Variants in CFDP1 observed in about 807,000 individuals in gnomAD.
CFDP1 encodes heterochromatin-stabilizing protein CFDP1.
Under a neutral mutation model 40.1 loss-of-function variants are expected in CFDP1, and 31 were observed. The observed-to-expected ratio is 0.77, with a 90% confidence interval of 0.58 to 1.04. The LOEUF (loss-of-function observed/expected upper bound fraction) is 1.04, where lower values mean the gene tolerates loss of function less well. CFDP1 is among the 50% of genes least tolerant of loss of function. The pLI, the probability that CFDP1 is intolerant of heterozygous loss-of-function variation, is 0.00. For synonymous variants in CFDP1, 167 were observed against 120.0 expected (o/e 1.39, Z -2.56); for missense variants, 423 against 343.4 (o/e 1.23, Z -1.83).
At chr16:75,329,931 A>T (rs1322707365) in intron 5 of CFDP1, among the ~76,000 whole-genome samples, 1 of 152,184 alleles carries the variant, frequency 6.6e-6, no homozygotes, top group Admixed American at 6.5e-5. Flanking sequence ...AATACCAAGA[A>T]TGAATTCCTC....
At chr16:75,424,051 A>G (rs184844263) in intron 1 of CFDP1, among the ~76,000 whole-genome samples, 1 of 152,280 alleles carries the variant, frequency 6.6e-6, no homozygotes, top group African/African-American at 2.4e-5. Flanking sequence ...CACCATATTA[A>G]CAGACAAAAA....
In CFDP1 at chr16:75,412,436, T is replaced by G. The variant is rs1216109678; in HGVS notation, c.402+99A>C. 5 of 890,722 alleles carry G rather than the reference T, an allele frequency of 5.6e-6. No individual in the cohort carries two copies. In the East Asian group the frequency reaches 1.2e-4, roughly 21 times the overall value. The allele number at this position is 890,722 out of a possible 1,614,324, so 55.2% of individuals were successfully genotyped here. A position where few individuals can be genotyped will look rare whatever the true frequency, so the allele number is the denominator to read the frequency against. On this transcript the variant is annotated intron_variant, in intron 3 of 6. Coordinates refer to ENST00000283882, the MANE Select transcript of CFDP1 (RefSeq NM_006324.3). ...TGCTTTGCTTTTCACTTAGTACAAT[T>G]GTTATCAAAAGGCATCTGGTCGATT...
chr16:75,334,888 G>C (rs544563805), intron 5 of CFDP1, among the ~76,000 whole-genome samples: 2 of 152,148 alleles, frequency 1.3e-5, no homozygotes, highest in African/African-American at 4.8e-5. Flanking sequence ...CCCGGAGGTG[G>C]AGGTTGCAGT....
rs1176779236 is a variant in CFDP1 at position 75,394,878 on chromosome 16, C to T, written c.650+212G>A. 11 of 502,092 alleles carry T rather than the reference C, an allele frequency of 2.2e-5. 1 individual carries two copies. Among genetic ancestry groups the T allele is most frequent in the Middle Eastern group, 6.1e-4 (1 of 1,646 alleles). The allele number at this position is 502,092 out of a possible 1,614,324, so 31.1% of individuals were successfully genotyped here. A position where few individuals can be genotyped will look rare whatever the true frequency, so the allele number is the denominator to read the frequency against. ...GTCTTACTGTATTGCCCAGGCTGGT[C>T]ACAAACTCCTGGGTTCAAGCAATCC... On this transcript the variant is annotated intron_variant, in intron 5 of 6. Coordinates refer to ENST00000283882, the MANE Select transcript of CFDP1 (RefSeq NM_006324.3).
intron 5 of CFDP1, among the ~76,000 whole-genome samples, chr16:75,316,571 A>G (rs2078324301): frequency 7.3e-6 from 1 of 136,532 alleles, no homozygotes; most frequent in Non-Finnish European, 1.6e-5. Context: ...ACCCTGTCTA[A>G]AAAAAAAAAA....
chr16:75,405,234 T>A (rs247427), intron 4 of CFDP1, among the ~76,000 whole-genome samples: 1 of 152,138 alleles, frequency 6.6e-6, no homozygotes, highest in Non-Finnish European at 1.5e-5. Context: ...TTCAGAATTA[T>A]CTTGTCAACT....
At position 75,341,541 on chromosome 16, in the gene CFDP1, A is replaced by G. The variant is rs116401726; in HGVS notation, c.651-36359T>C. On this transcript the variant is annotated intron_variant, in intron 5 of 6. Coordinates refer to ENST00000283882, the MANE Select transcript of CFDP1 (RefSeq NM_006324.3). Reference sequence around the variant, plus strand: ...CTAGATTAGCAGAGAGTTTAAAGCAAAACTTCAAGGGAACCCTCTCAGTGA... The same window carrying G: ...CTAGATTAGCAGAGAGTTTAAAGCAGAACTTCAAGGGAACCCTCTCAGTGA... 8.2e-3 allele frequency among the ~76,000 whole-genome samples: 1,253 copies of G among 152,274 alleles called. 20 individuals carry two copies. The highest frequency in any genetic ancestry group is 0.028 in the African/African-American group (1,148 of 41,538).
rs182365263 is a variant in CFDP1, at chr16:75,361,890, C to T, written c.650+33200G>A. Reference sequence around the variant, plus strand: ...TTTTCAGAATTTTACTATTATTTTTCGCTCTCTTCCTTCTCCTATTCTGCT... The same window carrying T: ...TTTTCAGAATTTTACTATTATTTTTTGCTCTCTTCCTTCTCCTATTCTGCT... On this transcript the variant is annotated intron_variant, in intron 5 of 6. Coordinates refer to ENST00000283882, the MANE Select transcript of CFDP1 (RefSeq NM_006324.3). Among the ~76,000 whole-genome samples the T allele has an allele frequency of 6.5e-3, 983 of 152,104 alleles. 8 individuals carry two copies. Among genetic ancestry groups the T allele is most frequent in the Middle Eastern group, 0.017 (5 of 294 alleles).
rs976534950 is a variant in CFDP1, at chr16:75,423,601, G to A, written c.65-8906C>T. Among the ~76,000 whole-genome samples the A allele has an allele frequency of 4.6e-5, 7 of 151,934 alleles. 1 individual carries two copies. The highest frequency in any genetic ancestry group is 4.2e-4 in the South Asian group (2 of 4,812). On this transcript the variant is annotated intron_variant, in intron 1 of 6. Transcript: ENST00000283882. ...GCGATCTCCGCTCACTGCAACCTCC[G>A]CCTCTTGGGTTCACGCCATTCTCCT... is the stretch of plus-strand genomic sequence containing the variant.
At chr16:75,400,794 G>T (rs1291636609) in intron 4 of CFDP1, among the ~76,000 whole-genome samples, 1 of 152,208 alleles carries the variant, frequency 6.6e-6, no homozygotes, top group East Asian at 1.9e-4. Flanking sequence ...CTTTATACCA[G>T]TAAGAAATAA....
chr16:75,324,359 C>G (rs968042665), intron 5 of CFDP1, among the ~76,000 whole-genome samples: 1 of 152,130 alleles, frequency 6.6e-6, no homozygotes, highest in Non-Finnish European at 1.5e-5. Context: ...TGGTGCACAG[C>G]AGATCATCAA....
intron 5 of CFDP1, among the ~76,000 whole-genome samples, chr16:75,353,458 G>C (rs1281994948): frequency 6.6e-6 from 1 of 152,136 alleles, no homozygotes; most frequent in South Asian, 2.1e-4. Flanking sequence ...GAGTACAGGT[G>C]ATATATAAAT....
chr16:75,393,615 C>T (rs1597378496), intron 5 of CFDP1, among the ~76,000 whole-genome samples: 1 of 150,258 alleles, frequency 6.7e-6, no homozygotes, highest in African/African-American at 2.5e-5. Flanking sequence ...CCTGTAGTCC[C>T]AGCTACTCGG....
At chr16:75,349,570 C>G (rs1432080884) in intron 5 of CFDP1, among the ~76,000 whole-genome samples, 2 of 137,712 alleles carry the variant, frequency 1.5e-5, no homozygotes, top group South Asian at 2.4e-4. Context: ...AGAAAGACTG[C>G]TTGACCCCAG....
intron 5 of CFDP1, among the ~76,000 whole-genome samples, chr16:75,386,409 C>T (rs2078898196): frequency 6.6e-6 from 1 of 152,110 alleles, no homozygotes; most frequent in Non-Finnish European, 1.5e-5. Context: ...CTGGTGACCA[C>T]AAATGAAAAA....
intron 3 of CFDP1, 121 bp from the exon 4 acceptor site, chr16:75,412,073 T>G (rs247436): frequency 0.15 from 159,209 of 1,035,950 alleles, 13,749 homozygotes; most frequent in East Asian, 0.38. Flanking sequence ...TGGAGTGCAG[T>G]AACACAATCT....
chr16:75,319,278 A>G (rs149195430), intron 5 of CFDP1, among the ~76,000 whole-genome samples: 2,427 of 151,992 alleles, frequency 0.016, 63 homozygotes, highest in African/African-American at 0.054. Flanking sequence ...TCTTGACCTT[A>G]TAATCCACCT....
chr16:75,403,835 A>G (rs2079075948), intron 4 of CFDP1, among the ~76,000 whole-genome samples: 1 of 152,126 alleles, frequency 6.6e-6, no homozygotes, highest in African/African-American at 2.4e-5. Flanking sequence ...TCATATCATC[A>G]ATAATTATTT....
At chr16:75,391,978 A>AAAATAAAT (rs564296837) in intron 5 of CFDP1, among the ~76,000 whole-genome samples, 2 of 152,000 alleles carry the variant, frequency 1.3e-5, no homozygotes, top group African/African-American at 4.8e-5. Context: ...AAAAAAATAA[A>AAAATAAAT]AAATAAATAA....
Sources: gnomAD v4.1 joint callset for allele counts (sites outside exome capture counted in the v4.1 genomes callset) on GRCh38, gnomAD v4.1.1 for gene constraint, MANE v1.5 for transcripts, NCBI Gene and HGNC (gene_info 2026-07-23, HGNC 2026-07-21) for gene names.